The following DDAH1 variants were observed in gnomAD, a reference collection of about 807,000 sequenced individuals.
DDAH1 encodes dimethylarginine dimethylaminohydrolase 1, also known as N(G),N(G)-dimethylarginine dimethylaminohydrolase 1.
In DDAH1, 19 loss-of-function variants were observed where a neutral mutation model predicts 28.8. The observed-to-expected ratio is 0.66, with a 90% confidence interval of 0.46 to 0.97. The LOEUF is 0.97. Ranked by LOEUF, DDAH1 falls within the 50% of genes least tolerant of loss-of-function variation. DDAH1 has a pLI of 0.00. For missense variants in DDAH1, 326 were observed against 375.9 expected (o/e 0.87, Z 1.10); for synonymous variants, 153 against 154.4 (o/e 0.99, Z 0.07).
intron 1 of DDAH1, among the ~76,000 whole-genome samples, chr1:85,426,650 G>A (rs1265600682): frequency 6.6e-6 from 1 of 152,162 alleles, no homozygotes; most frequent in African/African-American, 2.4e-5. Flanking sequence ...GCTCATGCCT[G>A]TAATCCCAAC....
chr1:85,474,412 C>T (rs1557671253), intron 2 of DDAH1, among the ~76,000 whole-genome samples: 1 of 152,168 alleles, frequency 6.6e-6, no homozygotes, highest in African/African-American at 2.4e-5. Context: ...CCTCTGCCTA[C>T]TTGCCATCCT....
intron 1 of DDAH1, among the ~76,000 whole-genome samples, chr1:85,384,347 C>G (rs1651147071): frequency 1.3e-5 from 2 of 152,160 alleles, no homozygotes; most frequent in African/African-American, 4.8e-5. Flanking sequence ...CTCTGCCCTG[C>G]AAATTCTACC....
At chr1:85,524,812 C>T (rs2051002) in intron 1 of DDAH1, among the ~76,000 whole-genome samples, 3 of 150,588 alleles carry the variant, frequency 2.0e-5, no homozygotes, top group Admixed American at 6.7e-5. Context: ...AGTGTCCCAA[C>T]AAGAAAAATG....
At chr1:85,473,653 G>A (rs1386627765) in intron 2 of DDAH1, among the ~76,000 whole-genome samples, 1 of 152,104 alleles carries the variant, frequency 6.6e-6, no homozygotes, top group Non-Finnish European at 1.5e-5. Flanking sequence ...TTTTAACATA[G>A]CATTGGTATA....
intron 2 of DDAH1, among the ~76,000 whole-genome samples, chr1:85,471,155 C>G (rs1050612028): frequency 5.9e-5 from 9 of 152,280 alleles, no homozygotes; most frequent in Admixed American, 4.6e-4. Context: ...TTCTCTGGCT[C>G]CCTTCCTGCT....
intron 1 of DDAH1, among the ~76,000 whole-genome samples, chr1:85,429,847 G>C (rs929082905): frequency 2.0e-5 from 3 of 152,108 alleles, no homozygotes; most frequent in Non-Finnish European, 4.4e-5. Context: ...CCCACTTTTT[G>C]ATGGGTTTGT....
chr1:85,565,377 C>T (rs1659267411), intron 1 of DDAH1, among the ~76,000 whole-genome samples: 1 of 151,928 alleles, frequency 6.6e-6, no homozygotes, highest in South Asian at 2.1e-4. Flanking sequence ...CAAATGAGTG[C>T]ATAAAACAAC....
At chr1:85,344,926 A>C (rs1444604954) in intron 4 of DDAH1, among the ~76,000 whole-genome samples, 5 of 152,218 alleles carry the variant, frequency 3.3e-5, no homozygotes, top group Non-Finnish European at 7.3e-5. Context: ...ATGGTAAAGC[A>C]GGGGGTTAGG....
intron 1 of DDAH1, among the ~76,000 whole-genome samples, chr1:85,536,531 A>C (rs563526065): frequency 4.6e-5 from 7 of 152,288 alleles, no homozygotes; most frequent in African/African-American, 1.7e-4. Context: ...CCAGCCTGGC[A>C]ACAGAGCAAG....
Position 85,464,727 on chromosome 1 carries a change from T to A in DDAH1, c.303+16A>T, listed in dbSNP as rs1378478672. The A allele has an allele frequency of 1.3e-6, 2 of 1,486,146 alleles. No homozygotes were observed. Among genetic ancestry groups the A allele is most frequent in the Non-Finnish European group, 1.8e-6 (2 of 1,127,564 alleles). The allele number at this position is 1,486,146 out of a possible 1,614,324, so 92.1% of individuals were successfully genotyped here. ...CTGGCGCGCGCCCCGGCCGCGCCCC[T>A]CGAGTCGGCAGTTACCTCCTTCCTC... On this transcript the variant is annotated intron_variant, in intron 1 of 5. Coordinates refer to ENST00000284031, the MANE Select transcript of DDAH1 (RefSeq NM_012137.4). The surrounding 1 kb of genome is among the most constrained non-coding windows in gnomAD (Gnocchi z 4.4).
chr1:85,435,234 C>G (rs992778745), intron 1 of DDAH1: 15 of 152,146 alleles, frequency 9.9e-5, no homozygotes, highest in African/African-American at 3.6e-4. Context: ...AAGAGTTCGA[C>G]CTGTAACTGA....
chr1:85,553,882 T>G (rs192623981), intron 1 of DDAH1, among the ~76,000 whole-genome samples: 1 of 152,304 alleles, frequency 6.6e-6, no homozygotes, highest in East Asian at 1.9e-4. Context: ...TTGGAGCTAG[T>G]CTGCCAGACT....
chr1:85,421,950 C>G (rs761852212), intron 1 of DDAH1, among the ~76,000 whole-genome samples: 1 of 152,106 alleles, frequency 6.6e-6, no homozygotes, highest in Non-Finnish European at 1.5e-5. Flanking sequence ...TGGGTAAATA[C>G]TTAGGAGCAT....
rs536996548 is a variant in DDAH1, at chr1:85,364,478, C to T, written c.304-5631G>A. On this transcript the variant is annotated intron_variant, in intron 1 of 5. Coordinates refer to ENST00000284031, the MANE Select transcript of DDAH1 (RefSeq NM_012137.4). ...AGAAAAACCTGCATATTCATTACTACCCTTTGATTTGGAGATGCCTTAGGT... is the reference window on the plus strand; with the variant it reads ...AGAAAAACCTGCATATTCATTACTATCCTTTGATTTGGAGATGCCTTAGGT... 2.0e-5 allele frequency among the ~76,000 whole-genome samples: 3 copies of T among 152,148 alleles called. No homozygotes were observed. In the South Asian group the frequency reaches 6.2e-4, roughly 32 times the overall value.
intron 1 of DDAH1, among the ~76,000 whole-genome samples, chr1:85,551,774 A>G (rs2100795357): frequency 6.6e-6 from 1 of 152,342 alleles, no homozygotes; most frequent in Middle Eastern, 3.4e-3. Context: ...CAGAGGTGAC[A>G]TTTCAGTTGG....
At chr1:85,506,263 C>T (rs1036252979) in intron 1 of DDAH1, among the ~76,000 whole-genome samples, 1 of 152,090 alleles carries the variant, frequency 6.6e-6, no homozygotes, top group Non-Finnish European at 1.5e-5. Context: ...GTCTTCCCAC[C>T]ATGGAGAGAG....
At chr1:85,334,074 C>G (rs1647952602) in intron 4 of DDAH1, among the ~76,000 whole-genome samples, 2 of 151,986 alleles carry the variant, frequency 1.3e-5, no homozygotes, top group Non-Finnish European at 2.9e-5. Flanking sequence ...AGGGAGAGAC[C>G]AGAGGGAAGT....
chr1:85,405,395 G>T (rs1183987492), intron 1 of DDAH1, among the ~76,000 whole-genome samples: 1 of 152,144 alleles, frequency 6.6e-6, no homozygotes, highest in Non-Finnish European at 1.5e-5. Context: ...TTCTATAGAC[G>T]GCATGCATCA....
intron 4 of DDAH1, among the ~76,000 whole-genome samples, chr1:85,331,631 G>C (rs1451344401): frequency 6.6e-6 from 1 of 152,106 alleles, no homozygotes; most frequent in African/African-American, 2.4e-5. Context: ...AAGCCCTGGA[G>C]GTCTTTTTAA....
Sources: allele counts gnomAD v4.1 joint callset (sites outside exome capture counted in the v4.1 genomes callset), GRCh38; gene constraint gnomAD v4.1.1; non-coding constraint Gnocchi (gnomAD v3.1); transcripts MANE v1.5; gene names NCBI Gene and HGNC (gene_info 2026-07-23, HGNC 2026-07-21).